The following PAK4 variants were observed in gnomAD, a reference collection of about 807,000 sequenced individuals.
PAK4 encodes the protein p21 (RAC1) activated kinase 4, also known as serine/threonine-protein kinase PAK 4.
A neutral mutation model predicts 53.5 loss-of-function variants in PAK4; 49 were observed. The observed-to-expected ratio is 0.92, with a 90% CI of 0.73 to 1.16. The LOEUF is 1.16. Among genes scored for constraint, PAK4 ranks in the 50% most tolerant of loss-of-function variants. PAK4 has a pLI of 0.00. For missense variants in PAK4, 824 were observed against 850.7 expected, an observed-to-expected ratio of 0.97 and a Z score of 0.39; for synonymous variants, 376 against 375.6, an observed-to-expected ratio of 1.00 and a Z score of -0.01.
At chr19:39,133,658 C>T (rs1055750772) in intron 1 of PAK4, among the ~76,000 whole-genome samples, 1 of 152,192 alleles carries the variant, frequency 6.6e-6, no homozygotes, top group East Asian at 1.9e-4. Flanking sequence ...CAGGAGCTTT[C>T]GAGCAGACAC....
intron 1 of PAK4, among the ~76,000 whole-genome samples, chr19:39,147,584 G>A (rs894588753): frequency 6.6e-6 from 1 of 152,166 alleles, no homozygotes; most frequent in East Asian, 1.9e-4. Context: ...ATTTTCTAGA[G>A]TGGCTGTACC....
intron 1 of PAK4, among the ~76,000 whole-genome samples, chr19:39,164,014 C>G (rs929694221): frequency 6.6e-6 from 1 of 152,176 alleles, no homozygotes; most frequent in African/African-American, 2.4e-5. Context: ...CGGTGGCTCA[C>G]GCCTGTAATC....
intron 1 of PAK4, among the ~76,000 whole-genome samples, chr19:39,134,602 T>C (rs1009679988): frequency 6.6e-6 from 1 of 151,532 alleles, no homozygotes; most frequent in African/African-American, 2.4e-5. Flanking sequence ...CTGTATAATA[T>C]TCTTTTTTTT....
chr19:39,173,171 G>A lies in PAK4; in HGVS notation c.458G>A (p.Arg153Gln), dbSNP rs754471124. 64 of 1,540,642 alleles carry A rather than the reference G, an allele frequency of 4.2e-5. No individual in the cohort carries two copies. The highest frequency in any genetic ancestry group is 1.4e-4 in the African/African-American group (10 of 72,932). ...GGTGGCGGCAGTGGTGACAGGCGAC[G>A]GGCGGGGCCAGAGAAGAGGCCCAAG... Residue 153 changes from arginine (R) to glutamine (Q), a missense_variant, in exon 3 of 9, where the codon CGG (arginine) becomes CAG (glutamine). Arg to Gln is a conservative substitution (Grantham distance 43, BLOSUM62 1). Around this residue, in one of 2 missense-constraint regions of PAK4, gnomAD observed 478 missense variants for 435.8 expected, o/e 1.10. Transcript: ENST00000358301. The surrounding 1 kb of genome is among the most constrained non-coding windows in gnomAD (Gnocchi z 6.9).
At chr19:39,138,565 G>T (rs1266758363) in intron 1 of PAK4, among the ~76,000 whole-genome samples, 1 of 152,192 alleles carries the variant, frequency 6.6e-6, no homozygotes, top group Non-Finnish European at 1.5e-5. Context: ...GGTAGTTCAT[G>T]ATGTGGCAGG....
In PAK4 at chr19:39,173,167, C is replaced by G; in HGVS notation, c.454C>G (p.Arg152Gly). Residue 152 changes from arginine (R) to glycine (G), a missense_variant, in exon 3 of 9, where the codon CGA becomes GGA. This residue lies in a region of PAK4 where 478 missense variants were observed against 435.8 expected (regional missense o/e 1.10). Coordinates refer to ENST00000358301, the Ensembl canonical transcript of PAK4. This position sits in a 1 kb window ranked among gnomAD's most constrained non-coding sequence, Gnocchi z 6.9. ...GGCGGGTGGCGGCAGTGGTGACAGG[C>G]GACGGGCGGGGCCAGAGAAGAGGCC... 1 of 1,539,702 alleles carries G rather than the reference C, an allele frequency of 6.5e-7. No homozygotes were observed. The highest frequency in any genetic ancestry group is 2.0e-5 in the Admixed American group (1 of 50,198).
intron 1 of PAK4, among the ~76,000 whole-genome samples, chr19:39,127,700 C>G (rs949896048): frequency 1.3e-5 from 2 of 152,096 alleles, no homozygotes; most frequent in Admixed American, 6.5e-5. Context: ...GGAACCAGCC[C>G]CCAAGCCAGT....
Position 39,169,777 on chromosome 19 carries a change from A to G in PAK4, c.204+20A>G, listed in dbSNP as rs745442819. 80 of 1,437,136 alleles carry G rather than the reference A, an allele frequency of 5.6e-5. No homozygotes were observed. Among genetic ancestry groups the G allele is most frequent in the Non-Finnish European group, 7.3e-5 (79 of 1,079,580 alleles). 89.0% of individuals were successfully genotyped at this position (1,437,136 alleles called of 1,614,324 possible). ...CCCAAGGTATGTGGCACCCACCACC[A>G]CCTCCCCCAGCCCACCCCAACCCCC... On this transcript the variant is annotated intron_variant, in intron 2 of 8. Transcript: ENST00000358301.
intron 1 of PAK4, among the ~76,000 whole-genome samples, chr19:39,155,435 C>T (rs1225858052): frequency 6.6e-6 from 1 of 152,096 alleles, no homozygotes; most frequent in Non-Finnish European, 1.5e-5. Context: ...GGATACCTGA[C>T]CCAGCCTGGG....
chr19:39,131,459 C>T (rs974375906), intron 1 of PAK4, among the ~76,000 whole-genome samples: 19 of 152,200 alleles, frequency 1.2e-4, no homozygotes, highest in Non-Finnish European at 2.5e-4. Flanking sequence ...TCACCGAGCC[C>T]AGCCCCGCAC....
chr19:39,158,134 T>C (rs552740791), intron 1 of PAK4, among the ~76,000 whole-genome samples: 2 of 150,482 alleles, frequency 1.3e-5, no homozygotes, highest in African/African-American at 4.9e-5. Context: ...CGTGCGTGCA[T>C]GTGTGAGCGT....
At chr19:39,168,793 C>G (rs1275169120) in intron 1 of PAK4, 1 of 152,360 alleles carries the variant, frequency 6.6e-6, no homozygotes, top group Non-Finnish European at 1.5e-5. Context: ...CTGGGGTGCC[C>G]TCTTAACCCA....
chr19:39,167,303 A>G (rs2074393392), intron 1 of PAK4, among the ~76,000 whole-genome samples: 1 of 152,206 alleles, frequency 6.6e-6, no homozygotes, highest in South Asian at 2.1e-4. Context: ...GTGGAGGGAC[A>G]TCTGGGAGGA....
Position 39,178,503 on chromosome 19 carries a change from T to C in PAK4, c.1700T>C (p.Leu567Pro), listed in dbSNP as rs1289191608. 2 of 1,612,262 alleles carry C rather than the reference T, an allele frequency of 1.2e-6. No homozygotes were observed. Among genetic ancestry groups the C allele is most frequent in the Non-Finnish European group, 8.5e-7 (1 of 1,179,722 alleles). Residue 567 changes from leucine to proline, a missense_variant, in exon 9 of 9, where the codon CTG becomes CCG. By Grantham distance (98) the Leu-to-Pro change is moderately conservative. Coordinates refer to ENST00000358301, the Ensembl canonical transcript of PAK4. The surrounding 1 kb of genome is among the most constrained non-coding windows in gnomAD (Gnocchi z 4.4). The stretch of plus-strand genomic sequence containing the variant: ...CAGCGGGCCACGGCAGCCGAGCTGC[T>C]GAAGCACCCATTCCTGGCCAAGGCA...
intron 1 of PAK4, among the ~76,000 whole-genome samples, chr19:39,158,352 C>T (rs1035737607): frequency 7.9e-5 from 12 of 152,326 alleles, no homozygotes; most frequent in Middle Eastern, 6.8e-3. Context: ...CGTCTGTGCA[C>T]GGCCTTGTGT....
intron 1 of PAK4, among the ~76,000 whole-genome samples, chr19:39,128,162 A>G (rs1034257204): frequency 2.0e-5 from 3 of 152,188 alleles, no homozygotes; most frequent in Non-Finnish European, 4.4e-5. Context: ...CTTCTGCAAG[A>G]TGGGCATAGT....
Position 39,178,385 on chromosome 19 carries a change from G to A in PAK4, c.1621-39G>A. ...GCAGCCCTACAGCAAATGAACAGTG[G>A]GGAGCCTCGCCCCCTGACCCTCCCC... is the stretch of plus-strand genomic sequence containing the variant. On this transcript the variant is annotated intron_variant, in intron 8 of 8. Transcript: ENST00000358301. The surrounding 1 kb of genome is among the most constrained non-coding windows in gnomAD (Gnocchi z 4.4). The A allele has an allele frequency of 6.4e-7, 1 of 1,553,502 alleles. No homozygotes were observed. Among genetic ancestry groups the A allele is most frequent in the South Asian group, 1.2e-5 (1 of 84,240 alleles).
At chr19:39,153,123 T>C (rs1251921723) in intron 1 of PAK4, among the ~76,000 whole-genome samples, 3 of 152,130 alleles carry the variant, frequency 2.0e-5, no homozygotes, top group Non-Finnish European at 4.4e-5. Context: ...AAAACATAAA[T>C]GTATAGCAAA....
intron 1 of PAK4, among the ~76,000 whole-genome samples, chr19:39,154,796 GC>G (rs890655123): frequency 5.9e-5 from 9 of 151,764 alleles, no homozygotes; most frequent in Admixed American, 4.6e-4. Flanking sequence ...CTCGACAAAT[GC>G]CCCACCCCCC....
Sources: gnomAD v4.1 joint callset for allele counts (sites outside exome capture counted in the v4.1 genomes callset) on GRCh38, gnomAD v4.1.1 for gene constraint, gnomAD v4.1.1 regional missense constraint, Gnocchi (gnomAD v3.1) non-coding constraint, MANE v1.5 for transcripts, NCBI Gene and HGNC (gene_info 2026-07-23, HGNC 2026-07-21) for gene names.